Variants in RTF2 observed in about 807,000 individuals in gnomAD.
The protein encoded by RTF2 is UPF0549 protein C20orf43.
RTF2 carries 18 observed loss-of-function variants against 38.0 expected under a neutral mutation model. That is an observed-to-expected ratio of 0.47 (90% CI 0.33 to 0.70). The LOEUF is 0.70. RTF2 is among the 30% of genes least tolerant of loss of function. The pLI is 0.02. For missense variants in RTF2, 311 were observed against 379.6 expected (o/e 0.82, Z 1.50); for synonymous variants, 126 against 137.1 (o/e 0.92, Z 0.57).
At position 56,488,487 on chromosome 20, in the gene RTF2, A is replaced by G. The variant is rs2146332307; in HGVS notation, c.477+4298A>G. Among the ~76,000 whole-genome samples the G allele has an allele frequency of 1.3e-5, 2 of 152,314 alleles. 1 individual carries two copies. Among genetic ancestry groups the G allele is most frequent in the Admixed American group, 1.3e-4 (2 of 15,292 alleles). ...TGGGGTGTGTGGATGTTTTAAAGTT[A>G]GAAGTCAAAAATATATATACTCACA... is the stretch of plus-strand genomic sequence containing the variant. On this transcript the variant is annotated intron_variant, in intron 5 of 8. Coordinates refer to ENST00000357348, the MANE Select transcript of RTF2 (RefSeq NM_016407.5).
At chr20:56,490,746 G>A (rs1182232318) in intron 5 of RTF2, among the ~76,000 whole-genome samples, 1 of 152,262 alleles carries the variant, frequency 6.6e-6, no homozygotes, top group African/African-American at 2.4e-5. Flanking sequence ...GAACCTGGGA[G>A]GCAGAGATTG....
In RTF2 at chr20:56,518,270, C is replaced by T. The variant is rs199833581; in HGVS notation, c.*5C>T. The T allele has an allele frequency of 7.0e-5, 113 of 1,608,128 alleles. 2 individuals carry two copies. Among genetic ancestry groups the T allele is most frequent in the Admixed American group, 6.8e-5 (4 of 58,452 alleles). ...CACACGTCCTACTGCTTCTGAAGCC[C>T]GCACTGCCACCGCTCCTGCCCCAGA... On this transcript the variant is annotated 3_prime_UTR_variant, in exon 9 of 9. Transcript: ENST00000357348.
intron 4 of RTF2, among the ~76,000 whole-genome samples, chr20:56,477,447 TG>T (rs1679773528): frequency 6.6e-6 from 1 of 152,256 alleles, no homozygotes; most frequent in African/African-American, 2.4e-5. Flanking sequence ...CATCTTTTCC[TG>T]TGGGACAGAA....
chr20:56,481,033 G>T (rs1453958894), intron 4 of RTF2, among the ~76,000 whole-genome samples: 1 of 152,158 alleles, frequency 6.6e-6, no homozygotes, highest in Non-Finnish European at 1.5e-5. Context: ...CAGGATTGCC[G>T]TGAACCTTCA....
intron 5 of RTF2, among the ~76,000 whole-genome samples, chr20:56,508,929 G>A (rs567139199): frequency 1.3e-5 from 2 of 152,154 alleles, no homozygotes; most frequent in Non-Finnish European, 2.9e-5. Flanking sequence ...TAGGAGAAAC[G>A]CAGGAGTAAA....
intron 5 of RTF2, among the ~76,000 whole-genome samples, chr20:56,500,718 G>A (rs1983872728): frequency 6.6e-6 from 1 of 152,192 alleles, no homozygotes; most frequent in Non-Finnish European, 1.5e-5. Context: ...CAGAATGGAT[G>A]CCTGCTGGAC....
rs185505805 is a variant in RTF2 at position 56,511,448 on chromosome 20, C to G, written c.478-1867C>G. On this transcript the variant is annotated intron_variant, in intron 5 of 8. Coordinates refer to ENST00000357348, the MANE Select transcript of RTF2 (RefSeq NM_016407.5). ...CAACCATCTATGGAAAGATTGTCTT[C>G]CATGAGACTGGCCCCAGGTGCAAAA... is the stretch of plus-strand genomic sequence containing the variant. Among the ~76,000 whole-genome samples the G allele has an allele frequency of 3.5e-4, 54 of 152,300 alleles. No individual in the cohort carries two copies. In the East Asian group the frequency reaches 8.9e-3, roughly 25 times the overall value.
At chr20:56,496,639 C>G (rs1983558710) in intron 5 of RTF2, 1 of 1,487,612 alleles carries the variant, frequency 6.7e-7, no homozygotes, top group African/African-American at 1.4e-5. Context: ...TCTTTCTTAC[C>G]TTTTAGTCGG....
chr20:56,471,424 C>T (rs534699274), intron 1 of RTF2, among the ~76,000 whole-genome samples: 7 of 152,116 alleles, frequency 4.6e-5, no homozygotes, highest in African/African-American at 1.4e-4. Context: ...AAAAAGTTGC[C>T]GGGCATGGTG....
intron 5 of RTF2, among the ~76,000 whole-genome samples, chr20:56,494,297 T>C (rs1983364266): frequency 1.3e-5 from 2 of 152,218 alleles, no homozygotes; most frequent in African/African-American, 2.4e-5. Context: ...TTATACTAAC[T>C]AGGGTTTTTT....
At chr20:56,499,570 A>G (rs1022141586) in intron 5 of RTF2, among the ~76,000 whole-genome samples, 2 of 152,320 alleles carry the variant, frequency 1.3e-5, no homozygotes, top group Admixed American at 1.3e-4. Context: ...TAGAAATTGA[A>G]TAGGAAAGAA....
intron 1 of RTF2, among the ~76,000 whole-genome samples, chr20:56,469,919 AG>A (rs1481784416): frequency 6.6e-6 from 1 of 152,158 alleles, no homozygotes; most frequent in Non-Finnish European, 1.5e-5. Context: ...TACTTCATTC[AG>A]TTTTTTACTC....
At position 56,474,748 on chromosome 20, in the gene RTF2, G is replaced by C. The variant is rs1372874920; in HGVS notation, c.235G>C (p.Ala79Pro). The change falls in exon 3 of 9, where the codon GCA becomes CCA. Residue 79 changes from alanine to proline, a missense_variant. Coordinates refer to ENST00000357348, the MANE Select transcript of RTF2 (RefSeq NM_016407.5). ...KSAEKALGKA[A>P]SHIKSIKNVT... Reference sequence around the variant, plus strand: ...TGCAGAAAAGGCTCTTGGGAAGGCAGCATCTCACATTAAAAGCATTAAGGT... The same window carrying C: ...TGCAGAAAAGGCTCTTGGGAAGGCACCATCTCACATTAAAAGCATTAAGGT... The C allele has an allele frequency of 6.2e-7, 1 of 1,608,898 alleles. No individual in the cohort carries two copies. The highest frequency in any genetic ancestry group is 1.3e-5 in the African/African-American group (1 of 74,710).
intron 5 of RTF2, among the ~76,000 whole-genome samples, chr20:56,486,922 G>C (rs908722624): frequency 1.3e-5 from 2 of 152,232 alleles, no homozygotes; most frequent in South Asian, 4.1e-4. Context: ...CAGGACTGTG[G>C]GGTGGGGTAC....
chr20:56,505,487 C>CATCATAATA (rs74181054), intron 5 of RTF2, among the ~76,000 whole-genome samples: 5 of 139,652 alleles, frequency 3.6e-5, no homozygotes, highest in Non-Finnish European at 7.6e-5. Context: ...GATGCCATCT[C>CATCATAATA]ATAATAATAA....
At chr20:56,475,964 C>A (rs1167156519) in intron 3 of RTF2, among the ~76,000 whole-genome samples, 1 of 152,228 alleles carries the variant, frequency 6.6e-6, no homozygotes, top group Non-Finnish European at 1.5e-5. Context: ...CTCAGTGAGA[C>A]GTGCTCATTC....
intron 5 of RTF2, among the ~76,000 whole-genome samples, chr20:56,508,043 G>A (rs935465774): frequency 4.6e-5 from 7 of 152,298 alleles, no homozygotes; most frequent in South Asian, 2.1e-4. Flanking sequence ...GATTGGGCAC[G>A]TGCTTCAGTC....
intron 5 of RTF2, among the ~76,000 whole-genome samples, chr20:56,488,089 G>C (rs747950440): frequency 6.6e-6 from 1 of 152,290 alleles, no homozygotes; most frequent in Non-Finnish European, 1.5e-5. Flanking sequence ...GGCCAGACAT[G>C]GTGGCTCACG....
chr20:56,497,427 C>T lies in RTF2; in HGVS notation c.477+13238C>T, dbSNP rs73289043. ...AAATTTTGCAATTTAGGGGGCCGCC[C>T]CTTTCCCTTCAAATAAAGCGGAACA... On this transcript the variant is annotated intron_variant, in intron 5 of 8. Transcript: ENST00000357348. The T allele has an allele frequency of 1.8e-3, 2,836 of 1,544,900 alleles. 40 individuals are homozygous for T. The African/African-American group carries it at 0.035, about 19-fold the overall frequency.
Sources: gnomAD v4.1 joint callset for allele counts (sites outside exome capture counted in the v4.1 genomes callset) on GRCh38, gnomAD v4.1.1 for gene constraint, MANE v1.5 for transcripts, NCBI Gene and HGNC (gene_info 2026-07-23, HGNC 2026-07-21) for gene names.